The following KLHL13 variants were observed in gnomAD, a reference collection of about 807,000 sequenced individuals.
KLHL13 encodes the protein kelch like family member 13.
Under a neutral mutation model 37.1 loss-of-function variants are expected in KLHL13, and 10 were observed. That is an observed-to-expected ratio of 0.27 (90% CI 0.17 to 0.46). KLHL13 has a LOEUF of 0.46. Ranked by LOEUF, KLHL13 falls within the 20% of genes least tolerant of loss-of-function variation. The pLI, the probability that KLHL13 is intolerant of heterozygous loss-of-function variation, is 1.00. For missense variants in KLHL13, 360 were observed against 509.3 expected, an observed-to-expected ratio of 0.71 and a Z score of 2.82; for synonymous variants, 163 against 181.2, an observed-to-expected ratio of 0.90 and a Z score of 0.81.
intron 1 of KLHL13, among the ~76,000 whole-genome samples, chrX:118,035,821 C>T (rs1309258419): frequency 9.6e-6 from 1 of 104,626 alleles, no homozygotes; most frequent in African/African-American, 3.8e-5. Context: ...TTGCAGACGA[C>T]ATGATTGTAT....
intron 1 of KLHL13, among the ~76,000 whole-genome samples, chrX:117,961,871 G>A (rs188833472): frequency 9.1e-6 from 1 of 110,081 alleles, no homozygotes; most frequent in East Asian, 2.8e-4. Flanking sequence ...TTTTATTTTA[G>A]CCCCGTGAGA....
chrX:118,022,144 T>C (rs2054222988), intron 1 of KLHL13, among the ~76,000 whole-genome samples: 2 of 112,003 alleles, frequency 1.8e-5, no homozygotes, highest in African/African-American at 6.5e-5. Context: ...CTTTGTCAGA[T>C]GGGTAGATTG....
chrX:117,954,483 C>T (rs1425899580), intron 1 of KLHL13, among the ~76,000 whole-genome samples: 3 of 111,829 alleles, frequency 2.7e-5, no homozygotes, highest in Non-Finnish European at 5.6e-5. Flanking sequence ...TGTAAGAATC[C>T]ATTCTATTTT....
intron 1 of KLHL13, among the ~76,000 whole-genome samples, chrX:118,099,376 A>G (rs1327679768): frequency 8.9e-6 from 1 of 112,054 alleles, no homozygotes; most frequent in Non-Finnish European, 1.9e-5. Context: ...AAATGATAAT[A>G]TAAACTGTTT....
upstream of KLHL13, among the ~76,000 whole-genome samples, chrX:117,978,422 A>G (rs2053618507): frequency 8.9e-6 from 1 of 111,787 alleles, no homozygotes; most frequent in South Asian, 3.8e-4. Flanking sequence ...TTGAAAAGGC[A>G]GGAACACTAG....
At chrX:117,947,267 T>C (rs112435851) in intron 1 of KLHL13, 5 of 112,027 alleles carry the variant, frequency 4.5e-5, no homozygotes, top group African/African-American at 1.6e-4. Context: ...ATTATATTAA[T>C]AGGATATTCA....
chrX:117,983,029 A>C (rs930746600), intron 1 of KLHL13, among the ~76,000 whole-genome samples: 1 of 111,993 alleles, frequency 8.9e-6, no homozygotes, highest in African/African-American at 3.2e-5. Context: ...ATTAGAAAAC[A>C]AATTATCTTG....
intron 1 of KLHL13, among the ~76,000 whole-genome samples, chrX:117,995,187 T>A (rs909201168): frequency 8.9e-6 from 1 of 112,417 alleles, no homozygotes; most frequent in Non-Finnish European, 1.9e-5. Context: ...TACCATCTTA[T>A]TTTTTCTTTA....
intron 1 of KLHL13, among the ~76,000 whole-genome samples, chrX:118,041,595 A>G: frequency 9.0e-6 from 1 of 111,509 alleles, no homozygotes; most frequent in Non-Finnish European, 1.9e-5. Flanking sequence ...GTAGAGTTTT[A>G]TTGGTTTTCT....
At chrX:117,976,352 T>G, upstream of KLHL13, among the ~76,000 whole-genome samples, 1 of 112,136 alleles carries the variant, frequency 8.9e-6, no homozygotes. Context: ...CACTATTAAT[T>G]CACTTAACAA....
chrX:117,926,097 T>C (rs1237606134), intron 2 of KLHL13, among the ~76,000 whole-genome samples: 1 of 112,423 alleles, frequency 8.9e-6, no homozygotes, highest in Non-Finnish European at 1.9e-5. Flanking sequence ...TATAAATTTA[T>C]GTTTCCAGTA....
In KLHL13 at chrX:118,009,673, G is replaced by A. The variant is rs1473252719; in HGVS notation, c.-55-64098C>T. 2.1e-3 allele frequency among the ~76,000 whole-genome samples: 89 copies of A among 42,389 alleles called. 1 individual carries two copies. Among genetic ancestry groups the A allele is most frequent in the African/African-American group, 8.4e-3 (81 of 9,635 alleles). 36.8% of individuals were successfully genotyped at this position (42,389 alleles called of 115,157 possible). The stretch of plus-strand genomic sequence containing the variant: ...CTGTAGCCTTGTAGTATAGTTTGAA[G>A]TCAGGTAGTGTGATGCCTCCAGCTT... On this transcript the variant is annotated intron_variant, in intron 1 of 6. Transcript: ENST00000371882.
At chrX:117,905,035 A>G (rs113622266) in intron 5 of KLHL13, among the ~76,000 whole-genome samples, 1,386 of 111,682 alleles carry the variant, frequency 0.012, 7 homozygotes, top group Middle Eastern at 0.023. Context: ...ATTAGGAAAG[A>G]GATCAGCCTA....
At chrX:118,086,851 T>C (rs2055059677) in intron 1 of KLHL13, among the ~76,000 whole-genome samples, 1 of 111,606 alleles carries the variant, frequency 9.0e-6, no homozygotes, top group African/African-American at 3.2e-5. Context: ...ATGAAATATG[T>C]AGATTGAAAT....
intron 1 of KLHL13, among the ~76,000 whole-genome samples, chrX:118,016,721 C>T (rs1480125035): frequency 3.6e-5 from 4 of 111,454 alleles, no homozygotes; most frequent in Admixed American, 2.9e-4. Flanking sequence ...GCAAGAAGCT[C>T]TCCTGATCTT....
At chrX:117,977,972 T>C (rs1165097467), upstream of KLHL13, among the ~76,000 whole-genome samples, 2 of 112,214 alleles carry the variant, frequency 1.8e-5, no homozygotes. Flanking sequence ...CTTTATTTGT[T>C]TCAGGAAACT....
intron 1 of KLHL13, among the ~76,000 whole-genome samples, chrX:118,026,215 A>G (rs957709028): frequency 1.4e-4 from 16 of 111,948 alleles, no homozygotes; most frequent in African/African-American, 4.5e-4. Flanking sequence ...GTATTTTAAA[A>G]TACCTCGGAA....
chrX:118,108,651 TA>T (rs762476604), intron 1 of KLHL13, among the ~76,000 whole-genome samples: 2 of 112,495 alleles, frequency 1.8e-5, no homozygotes, highest in Admixed American at 1.9e-4. Context: ...TACTATGCTG[TA>T]AATGAAAGCA....
intron 1 of KLHL13, among the ~76,000 whole-genome samples, chrX:118,112,488 A>G (rs1355508137): frequency 2.7e-5 from 3 of 111,775 alleles, no homozygotes; most frequent in Non-Finnish European, 3.8e-5. Flanking sequence ...AAATGACAAA[A>G]AAGAAAGGCA....
Sources: allele counts gnomAD v4.1 joint callset (sites outside exome capture counted in the v4.1 genomes callset), GRCh38; gene constraint gnomAD v4.1.1; transcripts MANE v1.5; gene names NCBI Gene and HGNC (gene_info 2026-07-23, HGNC 2026-07-21).